The following RAI14 variants were observed in gnomAD, a reference collection of about 807,000 sequenced individuals.
RAI14 encodes the protein retinoic acid induced 14.
A neutral mutation model predicts 115.4 loss-of-function variants in RAI14; 45 were observed. That is an observed-to-expected ratio of 0.39 (90% confidence interval 0.31 to 0.50). The LOEUF (loss-of-function observed/expected upper bound fraction) is 0.50. RAI14 is among the 20% of genes least tolerant of loss of function. The probability of loss-of-function intolerance (pLI) is 0.85; values close to 1 mark genes in which losing one functional copy is unlikely to be tolerated. For synonymous variants in RAI14, 371 were observed against 415.4 expected, an observed-to-expected ratio of 0.89 and a Z score of 1.30; for missense variants, 939 against 1,131.2, an observed-to-expected ratio of 0.83 and a Z score of 2.44.
chr5:34,719,129 C>G (rs930541687), intron 2 of RAI14, among the ~76,000 whole-genome samples: 1 of 143,216 alleles, frequency 7.0e-6, no homozygotes, highest in African/African-American at 2.7e-5. Flanking sequence ...TGTGGAACTT[C>G]AGCTGGGCAG....
intron 2 of RAI14, among the ~76,000 whole-genome samples, chr5:34,752,366 G>A (rs1161463946): frequency 6.6e-6 from 1 of 152,110 alleles, no homozygotes; most frequent in Non-Finnish European, 1.5e-5. Flanking sequence ...AGCACCATGG[G>A]GGTAAGAAAT....
At chr5:34,669,196 T>C (rs1259126261) in intron 1 of RAI14, among the ~76,000 whole-genome samples, 1 of 152,208 alleles carries the variant, frequency 6.6e-6, no homozygotes, top group Non-Finnish European at 1.5e-5. Flanking sequence ...TTTCACAGTG[T>C]TGGGTGTGCT....
At position 34,814,354 on chromosome 5, in the gene RAI14, A is replaced by T. The variant is rs559816099; in HGVS notation, c.853-229A>T. On this transcript the variant is annotated intron_variant, in intron 11 of 17. Coordinates refer to ENST00000265109, the MANE Select transcript of RAI14 (RefSeq NM_015577.3). ...TGCAATAGAAGTTTTATAGATTTTT[A>T]AAAAAGTGATTCTAATATAGGAGCA... Among the ~76,000 whole-genome samples, 22 of 152,324 alleles carry T rather than the reference A, an allele frequency of 1.4e-4. No individual in the cohort carries two copies. In the South Asian group the frequency reaches 1.7e-3, roughly 11 times the overall value.
At chr5:34,674,902 T>TC (rs1205473922) in intron 1 of RAI14, among the ~76,000 whole-genome samples, 5 of 122,454 alleles carry the variant, frequency 4.1e-5, no homozygotes, top group Non-Finnish European at 3.0e-5. Context: ...ATTGGATTTT[T>TC]TTTTTTTTTT....
intron 3 of RAI14, among the ~76,000 whole-genome samples, chr5:34,762,959 G>A (rs1748869219): frequency 6.6e-6 from 1 of 150,562 alleles, no homozygotes; most frequent in Non-Finnish European, 1.5e-5. Flanking sequence ...GTGTGTGTGT[G>A]TGTGTGTGTG....
At position 34,761,024 on chromosome 5, in the gene RAI14, A is replaced by G. The variant is rs537450370; in HGVS notation, c.167+3426A>G. Among the ~76,000 whole-genome samples, 9 of 152,316 alleles carry G rather than the reference A, an allele frequency of 5.9e-5. No individual in the cohort carries two copies. In the East Asian group the frequency reaches 1.5e-3, roughly 26 times the overall value. Reference sequence around the variant, plus strand: ...CTTGTCTCTGTTCCTTTCACTTAGCATAATGTTTTCAAGGCTCACCCGAGT... The same window carrying G: ...CTTGTCTCTGTTCCTTTCACTTAGCGTAATGTTTTCAAGGCTCACCCGAGT... On this transcript the variant is annotated intron_variant, in intron 3 of 17. Coordinates refer to ENST00000265109, the MANE Select transcript of RAI14 (RefSeq NM_015577.3).
intron 2 of RAI14, among the ~76,000 whole-genome samples, chr5:34,748,435 C>T (rs557500906): frequency 6.6e-6 from 1 of 152,138 alleles, no homozygotes; most frequent in Admixed American, 6.5e-5. Flanking sequence ...TGTTTATGCT[C>T]TCTACTAAAT....
At position 34,812,889 on chromosome 5, in the gene RAI14, G is replaced by A. The variant is rs928475275; in HGVS notation, c.765+681G>A. Reference sequence around the variant, plus strand: ...ACAGAGCTTCAGCCAGAAAATGTTAGCTATTTAATGAAAATAAGAGAATTT... The same window carrying A: ...ACAGAGCTTCAGCCAGAAAATGTTAACTATTTAATGAAAATAAGAGAATTT... On this transcript the variant is annotated intron_variant, in intron 10 of 17. Coordinates refer to ENST00000265109, the MANE Select transcript of RAI14 (RefSeq NM_015577.3). Among the ~76,000 whole-genome samples, 37 of 152,182 alleles carry A rather than the reference G, an allele frequency of 2.4e-4. 1 individual carries two copies. Among genetic ancestry groups the A allele is most frequent in the Non-Finnish European group, 7.3e-5 (5 of 68,038 alleles).
chr5:34,799,983 G>A lies in RAI14; in HGVS notation c.257-3729G>A, dbSNP rs1390482430. 6.6e-5 allele frequency among the ~76,000 whole-genome samples: 10 copies of A among 152,250 alleles called. No homozygotes were observed. The East Asian group carries it at 1.2e-3, about 18-fold the overall frequency. On this transcript the variant is annotated intron_variant, in intron 4 of 17. Transcript: ENST00000265109. ...ATTACAGGCGTGAGCCACCACGCCCGGCCAGCATTTTTTAAAGCTATTTTT... is the reference window on the plus strand; with the variant it reads ...ATTACAGGCGTGAGCCACCACGCCCAGCCAGCATTTTTTAAAGCTATTTTT...
At chr5:34,785,750 C>G (rs1259183202) in intron 3 of RAI14, among the ~76,000 whole-genome samples, 1 of 152,072 alleles carries the variant, frequency 6.6e-6, no homozygotes, top group Non-Finnish European at 1.5e-5. Flanking sequence ...TTTGTGCTTC[C>G]AAATCCTCCT....
In RAI14 at chr5:34,688,950, C is replaced by T. The variant is rs78641887; in HGVS notation, c.36+1995C>T. On this transcript the variant is annotated intron_variant, in intron 2 of 17. Coordinates refer to ENST00000265109, the MANE Select transcript of RAI14 (RefSeq NM_015577.3). ...ATGTGGTGGGTATTACTATTAAGCT[C>T]ATTTTACAGACGAAGAAACTAAGGC... Among the ~76,000 whole-genome samples the T allele has an allele frequency of 6.8e-3, 1,034 of 152,264 alleles. 15 individuals are homozygous for T. The highest frequency in any genetic ancestry group is 0.022 in the African/African-American group (927 of 41,544).
At chr5:34,798,964 C>T (rs540248855) in intron 4 of RAI14, among the ~76,000 whole-genome samples, 29 of 152,338 alleles carry the variant, frequency 1.9e-4, no homozygotes, top group African/African-American at 6.3e-4. Context: ...TCCAGCACTT[C>T]CCTCCTTGGG....
intron 3 of RAI14, among the ~76,000 whole-genome samples, chr5:34,780,860 G>C (rs989241936): frequency 2.0e-5 from 3 of 152,078 alleles, no homozygotes; most frequent in African/African-American, 7.2e-5. Flanking sequence ...CCCAGCCATC[G>C]CATTACTGGG....
intron 2 of RAI14, among the ~76,000 whole-genome samples, chr5:34,715,775 C>T (rs1265694083): frequency 1.3e-5 from 2 of 152,158 alleles, no homozygotes; most frequent in African/African-American, 4.8e-5. Context: ...AGGACTTAGG[C>T]TCTGGGGATT....
intron 3 of RAI14, among the ~76,000 whole-genome samples, chr5:34,783,891 G>A (rs1421978665): frequency 2.6e-5 from 4 of 152,212 alleles, no homozygotes; most frequent in African/African-American, 4.8e-5. Context: ...AAAAGGTGAC[G>A]TTTAACACAG....
At chr5:34,812,230 T>C in intron 10 of RAI14, 22 bp downstream of exon 10, 1 of 1,561,566 alleles carries the variant, frequency 6.4e-7, no homozygotes, top group Non-Finnish European at 8.8e-7. Context: ...TGGGGGAGGC[T>C]TCTATGTTTC....
At chr5:34,683,610 G>C (rs974849426) in intron 1 of RAI14, among the ~76,000 whole-genome samples, 4 of 152,092 alleles carry the variant, frequency 2.6e-5, no homozygotes, top group Non-Finnish European at 4.4e-5. Context: ...GCACAGTTTT[G>C]GGTTATCCAA....
intron 2 of RAI14, among the ~76,000 whole-genome samples, chr5:34,749,065 G>A (rs1746670836): frequency 1.3e-5 from 2 of 152,166 alleles, no homozygotes; most frequent in African/African-American, 4.8e-5. Context: ...ATGATGAGGT[G>A]TGCGCAAGAT....
chr5:34,805,862 A>G (rs1409342414), intron 5 of RAI14, among the ~76,000 whole-genome samples: 4 of 151,976 alleles, frequency 2.6e-5, no homozygotes, highest in African/African-American at 9.7e-5. Flanking sequence ...AACAAAAACA[A>G]CAAAAAACAA....
Sources: allele counts gnomAD v4.1 joint callset (sites outside exome capture counted in the v4.1 genomes callset), GRCh38; gene constraint gnomAD v4.1.1; transcripts MANE v1.5; gene names NCBI Gene and HGNC (gene_info 2026-07-23, HGNC 2026-07-21).